The following MSH4 variants were observed in gnomAD, a reference collection of about 807,000 sequenced individuals.
MSH4 encodes the protein mutS homolog 4.
Under a neutral mutation model 113.7 loss-of-function variants are expected in MSH4, and 106 were observed. The ratio of observed to expected loss-of-function variants is 0.93; its 90% CI spans 0.80 to 1.10. The LOEUF (loss-of-function observed/expected upper bound fraction) is 1.10, where lower values mean the gene tolerates loss of function less well. Ranked by LOEUF, MSH4 falls within the 50% of genes least tolerant of loss-of-function variation. The pLI, the probability that MSH4 is intolerant of heterozygous loss-of-function variation, is 0.00. For synonymous variants in MSH4, 368 were observed against 380.2 expected (o/e 0.97, Z 0.37); for missense variants, 1,061 against 1,093.7 (o/e 0.97, Z 0.42).
chr1:75,856,016 T>G (rs906459514), intron 8 of MSH4, among the ~76,000 whole-genome samples: 45 of 152,194 alleles, frequency 3.0e-4, no homozygotes, highest in Admixed American at 2.0e-3. Context: ...GAATTAGTAA[T>G]ATACATCTTT....
intron 8 of MSH4, among the ~76,000 whole-genome samples, chr1:75,851,697 A>G (rs540264602): frequency 2.6e-5 from 4 of 152,334 alleles, no homozygotes; most frequent in Admixed American, 2.6e-4. Context: ...GGTGTGAACC[A>G]TCGGACACAG....
intron 10 of MSH4, 78 bp downstream of exon 10, chr1:75,877,078 T>C (rs1216864636): frequency 2.2e-6 from 2 of 921,288 alleles, no homozygotes; most frequent in Non-Finnish European, 3.2e-6. Context: ...AAGACTCTAA[T>C]TGTATTCTAT....
intron 7 of MSH4, among the ~76,000 whole-genome samples, chr1:75,839,729 G>A (rs1175280829): frequency 1.3e-5 from 2 of 149,370 alleles, no homozygotes; most frequent in Non-Finnish European, 3.0e-5. Context: ...GAGTGAACAG[G>A]CAACCTACAA....
intron 10 of MSH4, among the ~76,000 whole-genome samples, chr1:75,877,683 T>TA (rs1296396770): frequency 1.3e-5 from 2 of 152,222 alleles, no homozygotes; most frequent in African/African-American, 4.8e-5. Flanking sequence ...AGGTTCCTGT[T>TA]ACGCTGTCTA....
intron 19 of MSH4, among the ~76,000 whole-genome samples, chr1:75,912,295 C>A (rs944400982): frequency 6.6e-6 from 1 of 151,980 alleles, no homozygotes; most frequent in Non-Finnish European, 1.5e-5. Context: ...AAGTATATTA[C>A]CACATAGCAA....
intron 6 of MSH4, 150 bp from the exon 7 acceptor site, chr1:75,822,259 A>T (rs189465554): frequency 5.3e-4 from 256 of 484,598 alleles, no homozygotes; most frequent in African/African-American, 4.9e-3. Context: ...ACTGTACTCC[A>T]TACTGGGAGA....
chr1:75,894,077 G>A (rs1423984289), intron 17 of MSH4, among the ~76,000 whole-genome samples: 2 of 152,140 alleles, frequency 1.3e-5, no homozygotes, highest in African/African-American at 4.8e-5. Flanking sequence ...AAATTTGTGA[G>A]AGGAGCCCTG....
At position 75,857,331 on chromosome 1, in the gene MSH4, G is replaced by A. The variant is rs528182745; in HGVS notation, c.1230+9055G>A. ...GTCAATTTTGGCTTTTGTTGCCATTGCTTTTGGTGTTTTAGACATGAAGTC... is the reference window on the plus strand; with the variant it reads ...GTCAATTTTGGCTTTTGTTGCCATTACTTTTGGTGTTTTAGACATGAAGTC... On this transcript the variant is annotated intron_variant, in intron 8 of 19. Transcript: ENST00000263187. Among the ~76,000 whole-genome samples, 61 of 152,260 alleles carry A rather than the reference G, an allele frequency of 4.0e-4. 1 individual carries two copies. Among genetic ancestry groups the A allele is most frequent in the Admixed American group, 1.4e-3 (21 of 15,296 alleles).
At chr1:75,888,261 A>C (rs1652169836) in intron 15 of MSH4, among the ~76,000 whole-genome samples, 1 of 151,370 alleles carries the variant, frequency 6.6e-6, no homozygotes, top group Admixed American at 6.6e-5. Flanking sequence ...TTACCTATAC[A>C]GAATTCTGTA....
At chr1:75,804,499 C>CTTTTTTTTT (rs5775308) in intron 2 of MSH4, among the ~76,000 whole-genome samples, 38 of 123,268 alleles carry the variant, frequency 3.1e-4, no homozygotes, top group East Asian at 4.8e-4. Context: ...TATGACCTTC[C>CTTTTTTTTT]TTTTTTTTTT....
At chr1:75,907,708 A>G (rs1652697658) in intron 19 of MSH4, among the ~76,000 whole-genome samples, 1 of 132,564 alleles carries the variant, frequency 7.5e-6, no homozygotes, top group South Asian at 2.3e-4. Context: ...ATATATATAT[A>G]TATATATATA....
intron 8 of MSH4, among the ~76,000 whole-genome samples, chr1:75,848,976 G>C (rs1252492885): frequency 1.3e-5 from 2 of 152,078 alleles, no homozygotes; most frequent in African/African-American, 4.8e-5. Context: ...CTGTCACCAA[G>C]GCTGGAGTGC....
intron 15 of MSH4, 83 bp downstream of exon 15, chr1:75,883,904 C>A: frequency 9.0e-7 from 1 of 1,112,764 alleles, no homozygotes; most frequent in Non-Finnish European, 1.3e-6. Context: ...GGCCATGTGC[C>A]TAATTAACCC....
intron 17 of MSH4, among the ~76,000 whole-genome samples, chr1:75,892,519 C>T (rs963359903): frequency 1.2e-4 from 18 of 152,034 alleles, no homozygotes; most frequent in Admixed American, 9.2e-4. Context: ...ATATCACTAT[C>T]GTATACTCTT....
At chr1:75,863,049 T>G (rs1030552661) in intron 8 of MSH4, among the ~76,000 whole-genome samples, 1 of 152,178 alleles carries the variant, frequency 6.6e-6, no homozygotes, top group African/African-American at 2.4e-5. Flanking sequence ...TTTGAAAAAT[T>G]TATATTAAAG....
At chr1:75,834,591 T>G (rs1349802822) in intron 7 of MSH4, among the ~76,000 whole-genome samples, 1 of 152,236 alleles carries the variant, frequency 6.6e-6, no homozygotes, top group Non-Finnish European at 1.5e-5. Flanking sequence ...CATGGACTAC[T>G]ATGCAGCCAT....
In MSH4 at chr1:75,816,510, A is replaced by C; in HGVS notation, c.953A>C (p.Gln318Pro). Residue 318 changes from glutamine to proline, a missense_variant, in exon 6 of 20, where the codon CAA becomes CCA. Transcript: ENST00000263187. ...QTAMIDSSSA[Q>P]NLELLINNQD... is the part of the protein sequence containing the mutation. ...GCCATGATAGATTCATCATCAGCCC[A>C]AAACCTTGAATTGTTAATTAATAAT... is the stretch of plus-strand genomic sequence containing the variant. 1 of 1,595,142 alleles carries C rather than the reference A, an allele frequency of 6.3e-7. No individual in the cohort carries two copies. The highest frequency in any genetic ancestry group is 1.3e-5 in the African/African-American group (1 of 74,828).
At chr1:75,860,463 G>A (rs1651430395) in intron 8 of MSH4, among the ~76,000 whole-genome samples, 1 of 152,162 alleles carries the variant, frequency 6.6e-6, no homozygotes, top group African/African-American at 2.4e-5. Context: ...GCCTGGTGGT[G>A]ACAAAAATCT....
chr1:75,876,702 A>C (rs1651824069), intron 9 of MSH4, among the ~76,000 whole-genome samples: 1 of 152,074 alleles, frequency 6.6e-6, no homozygotes, highest in Non-Finnish European at 1.5e-5. Context: ...AAGAAAAATA[A>C]AATTTATAAT....
Sources: allele counts gnomAD v4.1 joint callset (sites outside exome capture counted in the v4.1 genomes callset), GRCh38; gene constraint gnomAD v4.1.1; transcripts MANE v1.5; gene names NCBI Gene and HGNC (gene_info 2026-07-23, HGNC 2026-07-21).